TBC1D5: variants seen among roughly 807,000 people sequenced by gnomAD.
TBC1D5 encodes the protein TBC1 domain family, member 5.
A neutral mutation model predicts 100.3 loss-of-function variants in TBC1D5; 75 were observed. That is an observed-to-expected ratio of 0.75 (90% CI 0.62 to 0.91). The LOEUF is 0.91. Ranked by LOEUF, TBC1D5 falls within the 40% of genes least tolerant of loss-of-function variation. The pLI is 0.00. For synonymous variants in TBC1D5, 323 were observed against 325.6 expected (o/e 0.99, Z 0.09); for missense variants, 910 against 942.4 (o/e 0.97, Z 0.45).
At chr3:17,273,254 T>C (rs142241703) in intron 15 of TBC1D5, among the ~76,000 whole-genome samples, 313 of 152,224 alleles carry the variant, frequency 2.1e-3, no homozygotes, top group African/African-American at 6.7e-3. Flanking sequence ...ATCTTCTCCA[T>C]ACACTCCTTC....
Position 17,448,595 on chromosome 3 carries a change from C to T in TBC1D5, c.98-20076G>A, listed in dbSNP as rs77491061. Among the ~76,000 whole-genome samples the T allele has an allele frequency of 3.4e-3, 515 of 152,320 alleles. 8 individuals carry two copies. The East Asian group carries it at 0.051, about 15-fold the overall frequency. ...GCATGAAAACAACATTAATCTTGTACATCTCTACCAGAGCTTTTGTGTGAC... is the reference window on the plus strand; with the variant it reads ...GCATGAAAACAACATTAATCTTGTATATCTCTACCAGAGCTTTTGTGTGAC... On this transcript the variant is annotated intron_variant, in intron 3 of 21. Coordinates refer to ENST00000253692, the Ensembl canonical transcript of TBC1D5.
At chr3:17,333,772 T>C (rs6762516) in intron 13 of TBC1D5, among the ~76,000 whole-genome samples, 1 of 151,914 alleles carries the variant, frequency 6.6e-6, no homozygotes, top group Admixed American at 6.6e-5. Flanking sequence ...GTTTAAGAAG[T>C]CAGGAAATAT....
intron 1 of TBC1D5, among the ~76,000 whole-genome samples, chr3:17,733,769 C>G (rs2076749311): frequency 6.6e-6 from 1 of 151,522 alleles, no homozygotes; most frequent in Non-Finnish European, 1.5e-5. Context: ...ATGAAAAAAC[C>G]CTTAAAAAAA....
intron 13 of TBC1D5, among the ~76,000 whole-genome samples, chr3:17,355,511 T>TA (rs1286656465): frequency 6.6e-6 from 1 of 152,190 alleles, no homozygotes; most frequent in Non-Finnish European, 1.5e-5. Flanking sequence ...TACTCTAAAG[T>TA]AATATTGAAG....
intron 16 of TBC1D5, among the ~76,000 whole-genome samples, chr3:17,240,061 G>C (rs1699099059): frequency 6.6e-6 from 1 of 152,020 alleles, no homozygotes; most frequent in Non-Finnish European, 1.5e-5. Context: ...CACTTAAATG[G>C]TAATTCTACC....
intron 2 of TBC1D5, among the ~76,000 whole-genome samples, chr3:17,564,405 G>A (rs956037402): frequency 2.0e-5 from 3 of 151,936 alleles, no homozygotes; most frequent in Non-Finnish European, 4.4e-5. Flanking sequence ...TGAAAACATT[G>A]GAGGCAAAAA....
rs544292485 is a variant in TBC1D5 at position 17,387,757 on chromosome 3, CAT to C, written c.510-3744_510-3743del. Among the ~76,000 whole-genome samples the C allele has an allele frequency of 2.6e-3, 385 of 150,546 alleles. 1 individual carries two copies. The highest frequency in any genetic ancestry group is 4.1e-3 in the Non-Finnish European group (278 of 67,726). ...TGGAAAGGCAAATCTGTTTTTGAAA[CAT>C]AATTAAAAGCACAGAATACTAACCA... is the stretch of plus-strand genomic sequence containing the variant. On this transcript the variant is annotated intron_variant, in intron 8 of 21. Coordinates refer to ENST00000253692, the Ensembl canonical transcript of TBC1D5.
intron 3 of TBC1D5, among the ~76,000 whole-genome samples, chr3:17,437,276 A>T (rs2094552476): frequency 6.6e-6 from 1 of 152,192 alleles, no homozygotes; most frequent in South Asian, 2.1e-4. Flanking sequence ...AGTCAGTGAT[A>T]TTCTGCTATG....
At chr3:17,176,961 C>A (rs1047126813) in intron 19 of TBC1D5, among the ~76,000 whole-genome samples, 1 of 152,136 alleles carries the variant, frequency 6.6e-6, no homozygotes, top group Non-Finnish European at 1.5e-5. Context: ...GCTACAACGC[C>A]AAGGCAGCCA....
At chr3:17,160,216 G>A (rs1274227752) in exon 22 of TBC1D5, 4 of 152,200 alleles carry the variant, frequency 2.6e-5, no homozygotes, top group Non-Finnish European at 4.4e-5. Context: ...TGTTTAAGGA[G>A]AGATATTGAT....
At chr3:17,168,942 G>A (rs938189282) in intron 19 of TBC1D5, among the ~76,000 whole-genome samples, 6 of 152,140 alleles carry the variant, frequency 3.9e-5, no homozygotes, top group Non-Finnish European at 8.8e-5. Flanking sequence ...TCAATGCCCC[G>A]CATCGGCAGA....
At chr3:17,222,232 T>G (rs1310160833) in intron 17 of TBC1D5, among the ~76,000 whole-genome samples, 1 of 152,214 alleles carries the variant, frequency 6.6e-6, no homozygotes, top group Non-Finnish European at 1.5e-5. Flanking sequence ...TTTCTAATAA[T>G]TTCTTTTCTT....
At chr3:17,295,188 T>C (rs1280016881) in intron 14 of TBC1D5, among the ~76,000 whole-genome samples, 12 of 152,174 alleles carry the variant, frequency 7.9e-5, no homozygotes, top group African/African-American at 2.7e-4. Context: ...CAAAGGTAAG[T>C]AGTACCTAAG....
intron 20 of TBC1D5, 146 bp from the exon 22 acceptor site, chr3:17,167,074 TAATG>T (rs2066689861): frequency 1.2e-6 from 1 of 869,388 alleles, no homozygotes; most frequent in African/African-American, 1.7e-5. Flanking sequence ...AAGAAACAAA[TAATG>T]AGAAAAAAAT....
chr3:17,566,233 A>C (rs2096592729), intron 2 of TBC1D5, among the ~76,000 whole-genome samples: 1 of 152,076 alleles, frequency 6.6e-6, no homozygotes, highest in Non-Finnish European at 1.5e-5. Flanking sequence ...TGCTGTGAAC[A>C]TGTGGAATTA....
At chr3:17,585,014 C>T (rs534878877) in intron 2 of TBC1D5, among the ~76,000 whole-genome samples, 1 of 152,184 alleles carries the variant, frequency 6.6e-6, no homozygotes, top group East Asian at 1.9e-4. Context: ...TGGTCTCCAA[C>T]TCTTGAGCTC....
chr3:17,475,600 A>C (rs776034400), intron 3 of TBC1D5, among the ~76,000 whole-genome samples: 16 of 152,060 alleles, frequency 1.1e-4, no homozygotes, highest in Non-Finnish European at 2.2e-4. Context: ...GTATCTGTTT[A>C]ATTATCTTCA....
chr3:17,544,148 G>A (rs949007895), intron 2 of TBC1D5, among the ~76,000 whole-genome samples: 5 of 152,124 alleles, frequency 3.3e-5, no homozygotes, highest in Admixed American at 3.3e-4. Context: ...GATTACAGAT[G>A]TGGGCCACTG....
chr3:17,627,209 A>G (rs2063130616), intron 1 of TBC1D5, among the ~76,000 whole-genome samples: 1 of 152,168 alleles, frequency 6.6e-6, no homozygotes, highest in African/African-American at 2.4e-5. Flanking sequence ...TCTAAGATAA[A>G]GAGTCTGAAG....
Sources: gnomAD v4.1 joint callset for allele counts (sites outside exome capture counted in the v4.1 genomes callset) on GRCh38, gnomAD v4.1.1 for gene constraint, MANE v1.5 for transcripts, NCBI Gene and HGNC (gene_info 2026-07-23, HGNC 2026-07-21) for gene names.